Variants in GLMN observed in about 807,000 individuals in gnomAD.
GLMN encodes the protein glomulin.
A neutral mutation model predicts 87.8 loss-of-function variants in GLMN; 75 were observed. The observed-to-expected ratio is 0.85, with a 90% CI of 0.71 to 1.04. The LOEUF is 1.04. Among genes scored for constraint, GLMN ranks in the 50% least tolerant of loss-of-function variants. The pLI is 0.00. For missense variants in GLMN, 588 were observed against 658.8 expected, an observed-to-expected ratio of 0.89 and a Z score of 1.18; for synonymous variants, 206 against 221.6, an observed-to-expected ratio of 0.93 and a Z score of 0.63.
At chr1:92,360,106 A>C in the GLMN span, among the ~76,000 whole-genome samples, 2 of 152,254 alleles carry the variant, frequency 1.3e-5, no homozygotes, top group East Asian at 3.8e-4. Flanking sequence ...ATCTGACTTC[A>C]AAATATGTAC....
the GLMN span, chr1:92,333,315 T>C: frequency 4.3e-6 from 5 of 1,159,314 alleles, no homozygotes; most frequent in Non-Finnish European, 6.4e-6. Flanking sequence ...TGTGTTTTAA[T>C]GTTTATTGTT....
chr1:92,290,436 T>G, intron 4 of GLMN, 130 bp from the exon 5 acceptor site: 1 of 663,192 alleles, frequency 1.5e-6, no homozygotes. Flanking sequence ...TTAAAATTAT[T>G]TATACAATTG....
chr1:92,279,770 A>G (rs113236645), intron 7 of GLMN, among the ~76,000 whole-genome samples: 7,374 of 152,308 alleles, frequency 0.048, 599 homozygotes, highest in African/African-American at 0.17. Context: ...TGCTATTCCC[A>G]TAGTCTTAGC....
the GLMN span, among the ~76,000 whole-genome samples, chr1:92,316,022 C>T: frequency 0.048 from 7,342 of 152,216 alleles, 610 homozygotes; most frequent in African/African-American, 0.17. Flanking sequence ...TATATAGTTG[C>T]AGTTATAAAT....
chr1:92,336,282 G>C, the GLMN span: 3 of 1,058,462 alleles, frequency 2.8e-6, no homozygotes, highest in Non-Finnish European at 4.3e-6. Context: ...TCAGATCTAG[G>C]CATGACCCAA....
At chr1:92,286,231 T>C (rs1305540726) in intron 7 of GLMN, among the ~76,000 whole-genome samples, 2 of 150,124 alleles carry the variant, frequency 1.3e-5, no homozygotes, top group Non-Finnish European at 3.0e-5. Context: ...TACAAGATTA[T>C]ATATATATAT....
the GLMN span, among the ~76,000 whole-genome samples, chr1:92,324,592 G>A: frequency 6.6e-6 from 1 of 152,176 alleles, no homozygotes; most frequent in East Asian, 1.9e-4. Flanking sequence ...TTTCATCAGT[G>A]TGCAATATTT....
chr1:92,283,030 C>T (rs1032452927), intron 7 of GLMN, among the ~76,000 whole-genome samples: 2 of 152,124 alleles, frequency 1.3e-5, no homozygotes, highest in East Asian at 1.9e-4. Context: ...AGATTCACAG[C>T]CGAATTCTAC....
intron 7 of GLMN, among the ~76,000 whole-genome samples, chr1:92,286,015 T>C (rs1347991434): frequency 2.6e-5 from 4 of 151,972 alleles, no homozygotes; most frequent in Non-Finnish European, 5.9e-5. Context: ...TATGCAAAAA[T>C]TTAATTACTA....
the GLMN span, among the ~76,000 whole-genome samples, chr1:92,351,945 A>G: frequency 6.6e-6 from 1 of 152,090 alleles, no homozygotes; most frequent in Non-Finnish European, 1.5e-5. Context: ...GTGGCCAGGG[A>G]GAGAGGTGTG....
At chr1:92,303,859 A>T (rs1651028244), upstream of GLMN, 5 of 561,360 alleles carry the variant, frequency 8.9e-6, no homozygotes, top group Non-Finnish European at 1.2e-5. Flanking sequence ...CCTCTAACTT[A>T]TGAGGAAGGT....
chr1:92,310,741 A>G, the GLMN span, among the ~76,000 whole-genome samples: 2 of 152,168 alleles, frequency 1.3e-5, no homozygotes, highest in Non-Finnish European at 2.9e-5. Context: ...TACTAAAAAT[A>G]TAAAAATTAG....
chr1:92,267,530 C>T lies in GLMN; in HGVS notation c.1098+383G>A, dbSNP rs138501950. Among the ~76,000 whole-genome samples the T allele has an allele frequency of 4.2e-3, 641 of 152,002 alleles. 10 individuals carry two copies. The East Asian group carries it at 0.045, about 11-fold the overall frequency. ...CATCCTGGCTAACACAGTGAAACTC[C>T]GTCTCTACTATAAATACAAAAATAT... On this transcript the variant is annotated intron_variant, in intron 11 of 18. Transcript: ENST00000370360.
chr1:92,289,959 T>C (rs1300280022), intron 5 of GLMN, among the ~76,000 whole-genome samples: 1 of 152,200 alleles, frequency 6.6e-6, no homozygotes, highest in Middle Eastern at 3.2e-3. Flanking sequence ...GTTTTCAATA[T>C]AGCACATGAA....
the GLMN span, chr1:92,336,417 C>A: frequency 1.9e-6 from 3 of 1,600,032 alleles, no homozygotes; most frequent in East Asian, 2.2e-5. Context: ...AAATCTTGTT[C>A]GAACTTTCAG....
chr1:92,262,751 G>A (rs976644778), intron 16 of GLMN, 112 bp downstream of exon 16: 32 of 609,522 alleles, frequency 5.3e-5, no homozygotes, highest in East Asian at 1.8e-4. Context: ...CACTCTTCCC[G>A]GCCTTTATAT....
At chr1:92,346,814 G>A in the GLMN span, among the ~76,000 whole-genome samples, 3 of 152,208 alleles carry the variant, frequency 2.0e-5, no homozygotes, top group African/African-American at 7.2e-5. Flanking sequence ...TAAGTGTAGT[G>A]TTTTTCAGCT....
chr1:92,253,821 C>T (rs373181171), intron 16 of GLMN, among the ~76,000 whole-genome samples: 1 of 152,150 alleles, frequency 6.6e-6, no homozygotes, highest in Non-Finnish European at 1.5e-5. Flanking sequence ...GAAAAAGCAG[C>T]GGAAAAGGGC....
the GLMN span, among the ~76,000 whole-genome samples, chr1:92,313,550 G>T: frequency 6.6e-6 from 1 of 151,800 alleles, no homozygotes; most frequent in Non-Finnish European, 1.5e-5. Flanking sequence ...TCCATTTATG[G>T]AACACAAGCA....
Sources: allele counts gnomAD v4.1 joint callset (sites outside exome capture counted in the v4.1 genomes callset), GRCh38; gene constraint gnomAD v4.1.1; transcripts MANE v1.5; gene names NCBI Gene and HGNC (gene_info 2026-07-23, HGNC 2026-07-21).